Variants in SLC4A4 observed in about 807,000 individuals in gnomAD.
The protein encoded by SLC4A4 is solute carrier family 4 member 4.
SLC4A4 carries 27 observed loss-of-function variants against 111.5 expected under a neutral mutation model. That is an observed-to-expected ratio of 0.24 (90% CI 0.18 to 0.33). SLC4A4 has a LOEUF of 0.33. SLC4A4 is among the 10% of genes least tolerant of loss of function. SLC4A4 has a pLI of 1.00. For synonymous variants in SLC4A4, 443 were observed against 463.4 expected (o/e 0.96, Z 0.57); for missense variants, 909 against 1,315.5 (o/e 0.69, Z 4.78).
At chr4:71,451,112 G>A (rs1725723016) in intron 10 of SLC4A4, 76 bp from the exon 11 acceptor site, 5 of 961,264 alleles carry the variant, frequency 5.2e-6, no homozygotes, top group Non-Finnish European at 8.4e-6. Flanking sequence ...CTCCCCATTA[G>A]CCAGAGCATG....
intron 16 of SLC4A4, among the ~76,000 whole-genome samples, chr4:71,510,585 A>T (rs1364289742): frequency 1.3e-5 from 2 of 151,876 alleles, no homozygotes; most frequent in Non-Finnish European, 2.9e-5. Context: ...GCATCCTTTC[A>T]GTTTTAAACT....
At chr4:71,447,342 TA>T (rs1185937274) in intron 8 of SLC4A4, among the ~76,000 whole-genome samples, 1 of 152,190 alleles carries the variant, frequency 6.6e-6, no homozygotes, top group East Asian at 1.9e-4. Context: ...AAAAAAAGTT[TA>T]AAATAGAAAG....
At chr4:71,211,750 T>G (rs1718140636) in intron 1 of SLC4A4, among the ~76,000 whole-genome samples, 1 of 146,808 alleles carries the variant, frequency 6.8e-6, no homozygotes, top group Admixed American at 7.0e-5. Flanking sequence ...ACATTAGTAA[T>G]AGTGTCACTT....
chr4:71,443,083 A>ACTCACT (rs1491221930), intron 8 of SLC4A4, among the ~76,000 whole-genome samples: 3 of 31,450 alleles, frequency 9.5e-5, no homozygotes, highest in African/African-American at 5.8e-4. Flanking sequence ...AGAGGCCACT[A>ACTCACT]CTCTCTCTCT....
chr4:71,139,282 G>A (rs1743938193), intron 2 of SLC4A4, among the ~76,000 whole-genome samples: 1 of 150,904 alleles, frequency 6.6e-6, no homozygotes, highest in Non-Finnish European at 1.5e-5. Context: ...TGAATTGGCC[G>A]CCTCCTGTGG....
At chr4:71,458,039 A>G (rs1346353681) in intron 12 of SLC4A4, among the ~76,000 whole-genome samples, 1 of 151,864 alleles carries the variant, frequency 6.6e-6, no homozygotes. Context: ...TTTGATCTGC[A>G]GTTGGTTGAA....
chr4:71,420,774 C>G (rs1417761348), intron 7 of SLC4A4, among the ~76,000 whole-genome samples: 13 of 141,994 alleles, frequency 9.2e-5, no homozygotes, highest in Non-Finnish European at 1.5e-5. Context: ...ACTTTACAGA[C>G]AAGCAAATGC....
At chr4:71,076,138 A>T (rs1005981945) in intron 1 of SLC4A4, among the ~76,000 whole-genome samples, 13 of 152,256 alleles carry the variant, frequency 8.5e-5, no homozygotes, top group African/African-American at 3.1e-4. Context: ...CCTCAGCTAC[A>T]GTGTAAACTC....
chr4:71,371,219 G>C (rs2148933309), intron 6 of SLC4A4, among the ~76,000 whole-genome samples: 1 of 144,000 alleles, frequency 6.9e-6, no homozygotes, highest in South Asian at 2.2e-4. Context: ...TGTTTTTGTT[G>C]ATAAACTCTA....
chr4:71,276,786 G>A (rs765551539), intron 3 of SLC4A4, among the ~76,000 whole-genome samples: 1 of 151,992 alleles, frequency 6.6e-6, no homozygotes, highest in Non-Finnish European at 1.5e-5. Context: ...GGTGGCTCAC[G>A]CTTGTAGTCC....
At chr4:71,111,415 G>A (rs1410246956) in intron 2 of SLC4A4, among the ~76,000 whole-genome samples, 1 of 151,746 alleles carries the variant, frequency 6.6e-6, no homozygotes, top group East Asian at 1.9e-4. Context: ...AGGCTGGAGT[G>A]CAATGACGTG....
At chr4:71,334,782 T>C (rs1728299758) in intron 3 of SLC4A4, among the ~76,000 whole-genome samples, 1 of 152,192 alleles carries the variant, frequency 6.6e-6, no homozygotes, top group South Asian at 2.1e-4. Context: ...CACCACTGAG[T>C]TGCTGTCTAA....
intron 1 of SLC4A4, among the ~76,000 whole-genome samples, chr4:71,091,832 A>G (rs191176345): frequency 5.6e-4 from 85 of 152,332 alleles, no homozygotes; most frequent in Non-Finnish European, 8.4e-4. Flanking sequence ...TCTCTCCCAA[A>G]TATAACAGTA....
At chr4:71,066,977 C>A (rs949089540) in intron 1 of SLC4A4, among the ~76,000 whole-genome samples, 3 of 152,064 alleles carry the variant, frequency 2.0e-5, no homozygotes, top group Admixed American at 1.3e-4. Context: ...TAGCCTCCTG[C>A]CAAAAATTAC....
Position 71,382,933 on chromosome 4 carries a change from C to A in SLC4A4, c.731-14644C>A, listed in dbSNP as rs555918710. ...TTGATACTGATTCTGATATGAATTT[C>A]TTTCTCATTCTTTGCTTTTCTCTTT... On this transcript the variant is annotated intron_variant, in intron 6 of 25. Transcript: ENST00000264485. 4.6e-5 allele frequency among the ~76,000 whole-genome samples: 7 copies of A among 152,252 alleles called. No homozygotes were observed. The South Asian group carries it at 1.5e-3, about 32-fold the overall frequency.
At chr4:71,302,535 T>C in intron 3 of SLC4A4, among the ~76,000 whole-genome samples, 1 of 152,226 alleles carries the variant, frequency 6.6e-6, no homozygotes, top group Non-Finnish European at 1.5e-5. Flanking sequence ...AGGGAAGGTA[T>C]GGAAATGAGC....
At chr4:71,392,416 C>G (rs1258563577) in intron 6 of SLC4A4, among the ~76,000 whole-genome samples, 1 of 152,014 alleles carries the variant, frequency 6.6e-6, no homozygotes, top group African/African-American at 2.4e-5. Context: ...AACGTATATA[C>G]TTCTTTCAAC....
intron 1 of SLC4A4, among the ~76,000 whole-genome samples, chr4:71,191,509 A>G (rs1188645792): frequency 2.0e-5 from 3 of 152,222 alleles, no homozygotes; most frequent in African/African-American, 7.2e-5. Flanking sequence ...ATGTTTGTCG[A>G]ATGACTGTCA....
intron 1 of SLC4A4, among the ~76,000 whole-genome samples, chr4:71,222,397 T>G (rs1472236134): frequency 6.6e-6 from 1 of 152,226 alleles, no homozygotes; most frequent in East Asian, 1.9e-4. Flanking sequence ...ACTGCACCAC[T>G]ACCCAGTTTA....
Sources: gnomAD v4.1 joint callset for allele counts (sites outside exome capture counted in the v4.1 genomes callset) on GRCh38, gnomAD v4.1.1 for gene constraint, MANE v1.5 for transcripts, NCBI Gene and HGNC (gene_info 2026-07-23, HGNC 2026-07-21) for gene names.